The following TRDN variants were observed in gnomAD, a reference collection of about 807,000 sequenced individuals.
TRDN encodes triadin in skeletal muscle.
TRDN carries 161 observed loss-of-function variants against 149.7 expected under a neutral mutation model. The ratio of observed to expected loss-of-function variants is 1.08; its 90% CI spans 0.95 to 1.23. The LOEUF (loss-of-function observed/expected upper bound fraction) is 1.23, where lower values mean the gene tolerates loss of function less well. TRDN is among the 50% of genes most tolerant of loss of function. The pLI is 0.00. For synonymous variants in TRDN, 294 were observed against 250.5 expected (o/e 1.17, Z -1.64); for missense variants, 896 against 823.5 (o/e 1.09, Z -1.08).
At chr6:123,264,358 T>A (rs1165099139) in intron 33 of TRDN, among the ~76,000 whole-genome samples, 1 of 152,118 alleles carries the variant, frequency 6.6e-6, no homozygotes, top group African/African-American at 2.4e-5. Context: ...GTAGAAGAAG[T>A]AACTGCAGAT....
At chr6:123,511,266 A>G (rs557405529) in intron 7 of TRDN, among the ~76,000 whole-genome samples, 1 of 152,162 alleles carries the variant, frequency 6.6e-6, no homozygotes, top group South Asian at 2.1e-4. Flanking sequence ...GGTGCTCAGT[A>G]GCAAAATAGA....
chr6:123,589,925 T>A (rs979369965), intron 1 of TRDN, among the ~76,000 whole-genome samples: 3 of 152,178 alleles, frequency 2.0e-5, no homozygotes, highest in African/African-American at 7.2e-5. Context: ...TTCAGGCAAA[T>A]GTGATGAAGC....
At position 123,621,556 on chromosome 6, in the gene TRDN, A is replaced by G. The variant is rs544415747; in HGVS notation, c.22+15198T>C. 5.3e-5 allele frequency among the ~76,000 whole-genome samples: 8 copies of G among 152,284 alleles called. No homozygotes were observed. In the East Asian group the frequency reaches 1.4e-3, roughly 26 times the overall value. ...ACAAAAATCTATTGGATAAACAGTG[A>G]CTTTTATGCAATGAAACACTGTACA... On this transcript the variant is annotated intron_variant, in intron 1 of 40. Transcript: ENST00000334268.
Position 123,585,010 on chromosome 6 carries a change from C to T in TRDN, c.23-13878G>A, listed in dbSNP as rs554238568. On this transcript the variant is annotated intron_variant, in intron 1 of 40. Coordinates refer to ENST00000334268, the MANE Select transcript of TRDN (RefSeq NM_006073.4). ...AGGCAAGTGATAACAGGCTTTAATC[C>T]TTTCAAAGCATGCTGTGGGATGGGA... Among the ~76,000 whole-genome samples the T allele has an allele frequency of 7.2e-3, 1,096 of 151,650 alleles. 10 individuals carry two copies. The highest frequency in any genetic ancestry group is 0.025 in the African/African-American group (1,031 of 41,126).
chr6:123,451,972 CATA>C (rs1333894761), intron 10 of TRDN, among the ~76,000 whole-genome samples: 1 of 152,062 alleles, frequency 6.6e-6, no homozygotes, highest in Non-Finnish European at 1.5e-5. Context: ...CAATACACCA[CATA>C]AACAGAATTA....
At chr6:123,437,168 GCTT>G (rs916283635) in intron 12 of TRDN, among the ~76,000 whole-genome samples, 4 of 151,914 alleles carry the variant, frequency 2.6e-5, no homozygotes, top group Middle Eastern at 3.2e-3. Context: ...TTCTTTCTCA[GCTT>G]CTTATCTTTG....
intron 23 of TRDN, among the ~76,000 whole-genome samples, chr6:123,327,562 A>T (rs1038680793): frequency 4.6e-5 from 7 of 152,118 alleles, no homozygotes; most frequent in Admixed American, 2.6e-4. Flanking sequence ...ATTTAGATAC[A>T]TTTATTCTTT....
chr6:123,579,812 T>A (rs1038604402), intron 1 of TRDN, among the ~76,000 whole-genome samples: 1 of 152,206 alleles, frequency 6.6e-6, no homozygotes, highest in Non-Finnish European at 1.5e-5. Context: ...CAGGCTGTTC[T>A]TGTGACGAGT....
intron 38 of TRDN, among the ~76,000 whole-genome samples, chr6:123,246,203 C>CA (rs1484330636): frequency 1.3e-5 from 2 of 152,068 alleles, no homozygotes; most frequent in Admixed American, 1.3e-4. Flanking sequence ...CAAACAAATT[C>CA]AAAATCTAGC....
intron 9 of TRDN, chr6:123,468,885 C>T (rs1776991293): frequency 6.6e-6 from 1 of 151,982 alleles, no homozygotes; most frequent in Admixed American, 6.6e-5. Context: ...TGGAAGGACC[C>T]CAATCCTGCA....
At chr6:123,341,180 T>C (rs1780052252) in intron 21 of TRDN, among the ~76,000 whole-genome samples, 1 of 151,858 alleles carries the variant, frequency 6.6e-6, no homozygotes, top group South Asian at 2.1e-4. Flanking sequence ...AATAATAATA[T>C]ATTGATGCTT....
rs540240869 is a variant in TRDN, at chr6:123,592,096, C to T, written c.23-20964G>A. On this transcript the variant is annotated intron_variant, in intron 1 of 40. Transcript: ENST00000334268. ...TAGTCTTCAACATTCTCATCCTGCT[C>T]GTCCAAATAGACCTAAGATGGGGGT... Among the ~76,000 whole-genome samples, 19 of 152,250 alleles carry T rather than the reference C, an allele frequency of 1.2e-4. No homozygotes were observed. The South Asian group carries it at 3.1e-3, about 25-fold the overall frequency.
chr6:123,617,103 T>A (rs1785129422), intron 1 of TRDN, among the ~76,000 whole-genome samples: 1 of 152,264 alleles, frequency 6.6e-6, no homozygotes, highest in East Asian at 1.9e-4. Context: ...CTGACCTGAT[T>A]TTTTTTAACC....
At chr6:123,545,623 T>C (rs1378511247) in intron 4 of TRDN, among the ~76,000 whole-genome samples, 1 of 151,876 alleles carries the variant, frequency 6.6e-6, no homozygotes, top group African/African-American at 2.4e-5. Context: ...AAGTCAATTC[T>C]CCTAATTCTG....
At chr6:123,279,800 T>A (rs1244648239) in intron 24 of TRDN, among the ~76,000 whole-genome samples, 1 of 152,078 alleles carries the variant, frequency 6.6e-6, no homozygotes, top group African/African-American at 2.4e-5. Flanking sequence ...TTGGGAAAGG[T>A]AAACATAATA....
chr6:123,338,112 A>G lies in TRDN; in HGVS notation c.1370-443T>C, dbSNP rs559201805. 3.3e-5 allele frequency among the ~76,000 whole-genome samples: 5 copies of G among 152,242 alleles called. No individual in the cohort carries two copies. The East Asian group carries it at 9.6e-4, about 29-fold the overall frequency. On this transcript the variant is annotated intron_variant, in intron 21 of 40. Transcript: ENST00000334268. ...ACTTTCCAAGATCTTTAAATAGGAGACCTTGGATTTGAACCACTATATCTA... is the reference window on the plus strand; with the variant it reads ...ACTTTCCAAGATCTTTAAATAGGAGGCCTTGGATTTGAACCACTATATCTA...
At chr6:123,314,982 C>T (rs972156230) in intron 24 of TRDN, among the ~76,000 whole-genome samples, 6 of 151,922 alleles carry the variant, frequency 3.9e-5, no homozygotes, top group African/African-American at 1.4e-4. Context: ...ACATCCTGCA[C>T]ATGTACACCT....
chr6:123,425,886 C>CATCTATCTATCTATCT (rs373811839), intron 12 of TRDN, among the ~76,000 whole-genome samples: 1 of 151,986 alleles, frequency 6.6e-6, no homozygotes, highest in South Asian at 2.1e-4. Flanking sequence ...ATCTATCTAT[C>CATCTATCTATCTATCT]ATCTATCTAT....
At position 123,636,898 on chromosome 6, in the gene TRDN, C is replaced by T; in HGVS notation, c.-123G>A. On this transcript the variant is annotated 5_prime_UTR_variant, in exon 1 of 41. Transcript: ENST00000334268. ...TCAAAACCTGGGGGCTCTTCGTTTT[C>T]CTGGCTGTTTCTGCTGCTTCTTTGT... 8.8e-7 allele frequency: 1 copy of T among 1,130,890 alleles called. No individual in the cohort carries two copies. Among genetic ancestry groups the T allele is most frequent in the Non-Finnish European group, 1.3e-6 (1 of 759,820 alleles). The allele number at this position is 1,130,890 out of a possible 1,614,324, so 70.1% of individuals were successfully genotyped here. A position where few individuals can be genotyped will look rare whatever the true frequency, so the allele number is the denominator to read the frequency against.
Sources: gnomAD v4.1 joint callset for allele counts (sites outside exome capture counted in the v4.1 genomes callset) on GRCh38, gnomAD v4.1.1 for gene constraint, MANE v1.5 for transcripts, NCBI Gene and HGNC (gene_info 2026-07-23, HGNC 2026-07-21) for gene names.